SLC3A1: variants seen among roughly 807,000 people sequenced by gnomAD.
SLC3A1 encodes amino acid transporter heavy chain SLC3A1.
A neutral mutation model predicts 60.3 loss-of-function variants in SLC3A1; 78 were observed. The observed-to-expected ratio is 1.29, with a 90% CI of 1.08 to 1.56. The LOEUF is 1.56. Among genes scored for constraint, SLC3A1 ranks in the 40% most tolerant of loss-of-function variants. The pLI, the probability that SLC3A1 is intolerant of heterozygous loss-of-function variation, is 0.00. For synonymous variants in SLC3A1, 392 were observed against 307.9 expected, an observed-to-expected ratio of 1.27 and a Z score of -2.86; for missense variants, 1,172 against 858.9, an observed-to-expected ratio of 1.36 and a Z score of -4.56.
intron 4 of SLC3A1, among the ~76,000 whole-genome samples, chr2:44,295,324 A>C (rs1205253494): frequency 6.6e-6 from 1 of 152,166 alleles, no homozygotes; most frequent in Admixed American, 6.5e-5. Flanking sequence ...TCAAGGACGT[A>C]GTGTATAGTC....
At chr2:44,276,218 A>G (rs1671338854) in intron 1 of SLC3A1, among the ~76,000 whole-genome samples, 1 of 152,198 alleles carries the variant, frequency 6.6e-6, no homozygotes, top group South Asian at 2.1e-4. Context: ...TTGCCCACTA[A>G]GTACATACAG....
At chr2:44,300,337 A>T (rs368963602) in intron 5 of SLC3A1, among the ~76,000 whole-genome samples, 2 of 152,354 alleles carry the variant, frequency 1.3e-5, no homozygotes, top group East Asian at 3.9e-4. Context: ...GGTTCTGAAG[A>T]CATGGACAGT....
intron 6 of SLC3A1, chr2:44,303,818 A>G: frequency 2.0e-6 from 1 of 488,064 alleles, no homozygotes; most frequent in Non-Finnish European, 3.7e-6. Flanking sequence ...CCTATGAGTG[A>G]GAACATGCGG....
intron 7 of SLC3A1, among the ~76,000 whole-genome samples, chr2:44,309,790 G>C (rs1471601130): frequency 6.6e-6 from 1 of 152,160 alleles, no homozygotes; most frequent in Non-Finnish European, 1.5e-5. Flanking sequence ...GTAGAAATGG[G>C]GTTTTACCAT....
chr2:44,288,762 G>A (rs113623179), intron 4 of SLC3A1, among the ~76,000 whole-genome samples: 7 of 152,124 alleles, frequency 4.6e-5, no homozygotes, highest in Non-Finnish European at 1.0e-4. Context: ...CTTTTTATGT[G>A]CTTATAGTTC....
At chr2:44,285,491 G>A (rs1671592028) in intron 3 of SLC3A1, 1 of 361,724 alleles carries the variant, frequency 2.8e-6, no homozygotes, top group African/African-American at 2.1e-5. Flanking sequence ...AGACAGAGGA[G>A]ACCAGCGACA....
intron 7 of SLC3A1, among the ~76,000 whole-genome samples, chr2:44,309,163 G>A (rs1039421868): frequency 6.6e-6 from 1 of 152,078 alleles, no homozygotes; most frequent in East Asian, 1.9e-4. Context: ...TCAGTTTCTA[G>A]AACTTTTATC....
intron 4 of SLC3A1, among the ~76,000 whole-genome samples, chr2:44,294,236 G>A (rs1671800209): frequency 6.6e-6 from 1 of 152,148 alleles, no homozygotes; most frequent in Middle Eastern, 3.2e-3. Context: ...TGGGCGTGGT[G>A]GCTCATGCCT....
chr2:44,284,732 T>G (rs1333287548), intron 3 of SLC3A1, among the ~76,000 whole-genome samples: 1 of 151,768 alleles, frequency 6.6e-6, no homozygotes, highest in East Asian at 1.9e-4. Context: ...TGTGGCTGAG[T>G]TTTTTTATTT....
In SLC3A1 at chr2:44,313,839, C is replaced by T. The variant is rs368689927; in HGVS notation, c.1505C>T (p.Thr502Ile). The part of the protein sequence containing the change: ...ANLNESYDIN[T>I]LRSKSPMQWD... Reference sequence around the variant, plus strand: ...CTTTCTGGTCTTTTGACATAGAATACCCTTCGCTCAAAGTCACCAATGCAG... The same window carrying T: ...CTTTCTGGTCTTTTGACATAGAATATCCTTCGCTCAAAGTCACCAATGCAG... The change falls in exon 9 of 10, where the codon ACC (threonine) becomes ATC (isoleucine). Residue 502 changes from threonine to isoleucine, a missense_variant. Thr to Ile is a moderately conservative substitution (Grantham distance 89). Coordinates refer to ENST00000260649, the MANE Select transcript of SLC3A1 (RefSeq NM_000341.4). 1.2e-6 allele frequency: 2 copies of T among 1,612,370 alleles called. No homozygotes were observed. Among genetic ancestry groups the T allele is most frequent in the Admixed American group, 3.3e-5 (2 of 60,010 alleles).
In SLC3A1 at chr2:44,313,968, A is replaced by T. The variant is rs1672361215; in HGVS notation, c.1617+17A>T. The T allele has an allele frequency of 1.2e-6, 2 of 1,613,984 alleles. No homozygotes were observed. Among genetic ancestry groups the T allele is most frequent in the East Asian group, 4.5e-5 (2 of 44,846 alleles). ...AATGTTGATGTAAGTATCAGTGAAAATTTTATGTTGATTCTAGAAACAAAG... is the reference window on the plus strand; with the variant it reads ...AATGTTGATGTAAGTATCAGTGAAATTTTTATGTTGATTCTAGAAACAAAG... On this transcript the variant is annotated intron_variant, in intron 9 of 9. Transcript: ENST00000260649.
intron 7 of SLC3A1, among the ~76,000 whole-genome samples, chr2:44,307,352 C>A (rs555647524): frequency 4.6e-5 from 7 of 152,206 alleles, no homozygotes; most frequent in Non-Finnish European, 8.8e-5. Flanking sequence ...GATATATATC[C>A]AGGAGTGGAA....
rs1406144300 is a variant in SLC3A1 at position 44,298,725 on chromosome 2, G to T, written c.892-1246G>T. On this transcript the variant is annotated intron_variant, in intron 4 of 9. Coordinates refer to ENST00000260649, the MANE Select transcript of SLC3A1 (RefSeq NM_000341.4). Reference sequence around the variant, plus strand: ...TTCATCTCTCTAATCTTTGGCTTCAGCATTAAAAATGCCTGGGAACAAGGC... The same window carrying T: ...TTCATCTCTCTAATCTTTGGCTTCATCATTAAAAATGCCTGGGAACAAGGC... Among the ~76,000 whole-genome samples the T allele has an allele frequency of 3.3e-5, 5 of 152,288 alleles. No homozygotes were observed. In the East Asian group the frequency reaches 7.7e-4, roughly 24 times the overall value.
At chr2:44,290,287 A>G (rs1252977289) in intron 4 of SLC3A1, among the ~76,000 whole-genome samples, 4 of 152,196 alleles carry the variant, frequency 2.6e-5, no homozygotes, top group Non-Finnish European at 4.4e-5. Context: ...CCATTCATCT[A>G]TATGTCTGTC....
intron 7 of SLC3A1, among the ~76,000 whole-genome samples, chr2:44,304,715 C>A (rs1437105038): frequency 1.3e-5 from 2 of 151,900 alleles, no homozygotes; most frequent in African/African-American, 4.8e-5. Flanking sequence ...TGACAAAACA[C>A]CAATTTGTGG....
At chr2:44,298,018 G>A (rs1671897513) in intron 4 of SLC3A1, among the ~76,000 whole-genome samples, 1 of 152,168 alleles carries the variant, frequency 6.6e-6, no homozygotes, top group African/African-American at 2.4e-5. Flanking sequence ...TGGCTATTAT[G>A]AATAATGCTG....
rs771021431 is a variant in SLC3A1, at chr2:44,275,736, G to T, written c.201G>T (p.Gly67=). 4.8e-5 allele frequency: 78 copies of T among 1,614,100 alleles called. No homozygotes were observed. Among genetic ancestry groups the T allele is most frequent in the Non-Finnish European group, 2.5e-5 (30 of 1,180,042 alleles). The part of the protein sequence containing the change: ...PDFKGVQPYA[G]MPKEVLFQFS... ...TCAAGGGCGTCCAGCCCTATGCGGG[G>T]ATGCCCAAGGAGGTGCTGTTCCAGT... The change falls in exon 1 of 10, where the codon GGG becomes GGT. Residue 67 remains glycine (G), a synonymous_variant. Coordinates refer to ENST00000260649, the MANE Select transcript of SLC3A1 (RefSeq NM_000341.4).
At chr2:44,294,868 T>C (rs778109685) in intron 4 of SLC3A1, among the ~76,000 whole-genome samples, 9 of 152,202 alleles carry the variant, frequency 5.9e-5, no homozygotes, top group Non-Finnish European at 1.0e-4. Context: ...CTGTGATTTA[T>C]GACATTTTCA....
In SLC3A1 at chr2:44,304,328, C is replaced by A; in HGVS notation, c.1322C>A (p.Pro441His). Reference protein sequence around the residue: ...WMENMPEGKWPNWMIGGPDSS... With the variant: ...WMENMPEGKWHNWMIGGPDSS... ...GAAAACATGCCAGAAGGAAAATGGC[C>A]TAACTGGATGGTAAGTCCTCATGAC... The change falls in exon 7 of 10, where the codon CCT (proline) becomes CAT (histidine). Residue 441 changes from proline (P) to histidine (H), a missense_variant. Pro to His is a moderately conservative substitution (Grantham distance 77). Coordinates refer to ENST00000260649, the MANE Select transcript of SLC3A1 (RefSeq NM_000341.4). The A allele has an allele frequency of 1.2e-6, 2 of 1,613,358 alleles. No homozygotes were observed. The highest frequency in any genetic ancestry group is 1.3e-5 in the African/African-American group (1 of 75,022).
Sources: gnomAD v4.1 joint callset for allele counts (sites outside exome capture counted in the v4.1 genomes callset) on GRCh38, gnomAD v4.1.1 for gene constraint, MANE v1.5 for transcripts, NCBI Gene and HGNC (gene_info 2026-07-23, HGNC 2026-07-21) for gene names.